The following FGGY variants were observed in gnomAD, a reference collection of about 807,000 sequenced individuals.
FGGY encodes FGGY carbohydrate kinase domain-containing protein.
In FGGY, 72 loss-of-function variants were observed where a neutral mutation model predicts 71.3. The observed-to-expected ratio is 1.01, with a 90% CI of 0.84 to 1.23. FGGY has a LOEUF of 1.23. Ranked by LOEUF, FGGY falls within the 50% of genes most tolerant of loss-of-function variation. The probability of loss-of-function intolerance (pLI) is 0.00; values close to 1 mark genes in which losing one functional copy is unlikely to be tolerated. For missense variants in FGGY, 668 were observed against 682.3 expected (o/e 0.98, Z 0.23); for synonymous variants, 251 against 250.3 (o/e 1.00, Z -0.02).
intron 7 of FGGY, 125 bp downstream of exon 7, chr1:59,512,564 A>G: frequency 1.0e-6 from 1 of 983,278 alleles, no homozygotes; most frequent in Non-Finnish European, 1.4e-6. Context: ...GGATATAATA[A>G]TGAAAAGCCT....
chr1:59,666,158 C>T (rs938599987), intron 12 of FGGY, among the ~76,000 whole-genome samples: 6 of 152,214 alleles, frequency 3.9e-5, no homozygotes, highest in Non-Finnish European at 1.5e-5. Context: ...ACATTGTCCT[C>T]CCAGATCCTT....
chr1:59,526,849 A>G (rs2094998863), intron 7 of FGGY, among the ~76,000 whole-genome samples: 1 of 152,204 alleles, frequency 6.6e-6, no homozygotes, highest in Admixed American at 6.5e-5. Flanking sequence ...ACTTGTTAGT[A>G]AAGAGCTTAC....
intron 4 of FGGY, among the ~76,000 whole-genome samples, chr1:59,351,482 A>G (rs941971652): frequency 3.3e-5 from 5 of 152,148 alleles, no homozygotes; most frequent in Non-Finnish European, 5.9e-5. Context: ...TGCTACGTCA[A>G]TTTTTGTGGT....
chr1:59,521,827 A>T (rs1048046670), intron 7 of FGGY, among the ~76,000 whole-genome samples: 1 of 152,220 alleles, frequency 6.6e-6, no homozygotes, highest in South Asian at 2.1e-4. Flanking sequence ...ATTCCATTTT[A>T]TACCTTATAT....
At chr1:59,298,363 G>A (rs2042275876) in intron 1 of FGGY, among the ~76,000 whole-genome samples, 1 of 152,196 alleles carries the variant, frequency 6.6e-6, no homozygotes, top group South Asian at 2.1e-4. Flanking sequence ...AGCTGGGCCT[G>A]GAGATCAATT....
chr1:59,343,701 A>G (rs1401116711), intron 3 of FGGY, among the ~76,000 whole-genome samples: 1 of 152,208 alleles, frequency 6.6e-6, no homozygotes, highest in East Asian at 1.9e-4. Context: ...GTTTTCCATA[A>G]GAGCTGAAAA....
At chr1:59,423,169 G>A (rs899788609) in intron 5 of FGGY, among the ~76,000 whole-genome samples, 1 of 152,204 alleles carries the variant, frequency 6.6e-6, no homozygotes, top group African/African-American at 2.4e-5. Flanking sequence ...GTACCAGCAA[G>A]TTTGTTTTTC....
At chr1:59,507,170 C>T (rs1049094017) in intron 6 of FGGY, among the ~76,000 whole-genome samples, 2 of 152,176 alleles carry the variant, frequency 1.3e-5, no homozygotes, top group African/African-American at 4.8e-5. Flanking sequence ...AGTACAGAAA[C>T]AGCTGGATTG....
chr1:59,375,296 A>C (rs1008931717), intron 4 of FGGY, among the ~76,000 whole-genome samples: 4 of 151,792 alleles, frequency 2.6e-5, no homozygotes, highest in Non-Finnish European at 5.9e-5. Context: ...AACAAACAAA[A>C]AAAAACTGCA....
At chr1:59,424,407 C>T (rs554870004) in intron 5 of FGGY, among the ~76,000 whole-genome samples, 4 of 152,252 alleles carry the variant, frequency 2.6e-5, no homozygotes, top group Admixed American at 6.5e-5. Flanking sequence ...ATTAGCTGGA[C>T]GTGGTGGCAC....
chr1:59,589,924 A>C (rs1373696301), intron 8 of FGGY, among the ~76,000 whole-genome samples: 1 of 152,146 alleles, frequency 6.6e-6, no homozygotes, highest in Non-Finnish European at 1.5e-5. Flanking sequence ...AGAAGGCAAG[A>C]AATAACTAAA....
At chr1:59,566,413 T>G (rs554956453) in intron 8 of FGGY, among the ~76,000 whole-genome samples, 1 of 152,328 alleles carries the variant, frequency 6.6e-6, no homozygotes, top group East Asian at 1.9e-4. Flanking sequence ...CATTTTTATA[T>G]CTTTTGAAAG....
chr1:59,459,371 G>T (rs180805196), intron 6 of FGGY, among the ~76,000 whole-genome samples: 1 of 152,278 alleles, frequency 6.6e-6, no homozygotes, highest in African/African-American at 2.4e-5. Context: ...GGAGGTATTT[G>T]GATGGCTTGG....
intron 6 of FGGY, among the ~76,000 whole-genome samples, chr1:59,482,584 G>GTA (rs1373387564): frequency 1.3e-5 from 2 of 148,670 alleles, no homozygotes; most frequent in East Asian, 3.9e-4. Flanking sequence ...GTGTGTGTGT[G>GTA]TGTGTGTCTG....
chr1:59,398,281 G>A (rs2061554795), intron 5 of FGGY, among the ~76,000 whole-genome samples: 1 of 151,978 alleles, frequency 6.6e-6, no homozygotes, highest in African/African-American at 2.4e-5. Context: ...CACTCAGTCA[G>A]TCTGGATTGT....
At chr1:59,664,889 C>T (rs1275269686) in intron 12 of FGGY, among the ~76,000 whole-genome samples, 3 of 151,700 alleles carry the variant, frequency 2.0e-5, no homozygotes, top group Admixed American at 1.3e-4. Context: ...ACATTTCTGA[C>T]AATCTATAGA....
chr1:59,574,000 A>ATG, intron 8 of FGGY, among the ~76,000 whole-genome samples: 1 of 152,106 alleles, frequency 6.6e-6, no homozygotes, highest in Admixed American at 6.6e-5. Context: ...TTATCTGTGT[A>ATG]TGTATGTTTG....
At chr1:59,369,539 T>G (rs1304336467) in intron 4 of FGGY, among the ~76,000 whole-genome samples, 2 of 152,196 alleles carry the variant, frequency 1.3e-5, no homozygotes, top group Non-Finnish European at 2.9e-5. Context: ...TGTCCCTCTC[T>G]GACAGCTTTG....
At chr1:59,744,340 C>A (rs2098176195) in intron 14 of FGGY, among the ~76,000 whole-genome samples, 1 of 152,200 alleles carries the variant, frequency 6.6e-6, no homozygotes, top group African/African-American at 2.4e-5. Context: ...CCTGCCTCAG[C>A]CTCCCAAGTA....
Sources: allele counts gnomAD v4.1 joint callset (sites outside exome capture counted in the v4.1 genomes callset), GRCh38; gene constraint gnomAD v4.1.1; transcripts MANE v1.5; gene names NCBI Gene and HGNC (gene_info 2026-07-23, HGNC 2026-07-21).